Variants in ANKRD29 observed in about 807,000 individuals in gnomAD.
The protein encoded by ANKRD29 is ankyrin repeat domain-containing protein 29.
ANKRD29 carries 32 observed loss-of-function variants against 38.0 expected under a neutral mutation model. That is an observed-to-expected ratio of 0.84 (90% confidence interval 0.64 to 1.13). ANKRD29 has a LOEUF of 1.13. Ranked by LOEUF, ANKRD29 falls within the 50% of genes most tolerant of loss-of-function variation. ANKRD29 has a pLI of 0.00. For synonymous variants in ANKRD29, 135 were observed against 152.4 expected (o/e 0.89, Z 0.84); for missense variants, 357 against 377.9 (o/e 0.94, Z 0.46).
intron 2 of ANKRD29, 107 bp downstream of exon 2, chr18:23,648,976 A>G (rs754527430): frequency 1.1e-6 from 1 of 931,620 alleles, no homozygotes; most frequent in South Asian, 1.6e-5. Context: ...AAGCAAACAC[A>G]TGAAAAAGTA....
intron 5 of ANKRD29, among the ~76,000 whole-genome samples, chr18:23,632,192 A>G (rs2059940915): frequency 6.6e-6 from 1 of 152,202 alleles, no homozygotes; most frequent in East Asian, 1.9e-4. Context: ...AAAGTCTACC[A>G]TGTCCTTAGC....
chr18:23,601,814 T>C (rs1320992849), intron 9 of ANKRD29, among the ~76,000 whole-genome samples: 1 of 149,452 alleles, frequency 6.7e-6, no homozygotes, highest in Admixed American at 6.7e-5. Context: ...GGACCACAGA[T>C]GTGCACCACT....
At chr18:23,660,522 C>T (rs1218843404) in intron 1 of ANKRD29, among the ~76,000 whole-genome samples, 11 of 152,174 alleles carry the variant, frequency 7.2e-5, no homozygotes. Flanking sequence ...AAAAGAATCT[C>T]TGGGTTGGGT....
intron 8 of ANKRD29, 146 bp from the exon 9 acceptor site, chr18:23,612,336 A>G (rs1351360307): frequency 1.2e-5 from 8 of 643,684 alleles, no homozygotes; most frequent in Non-Finnish European, 2.1e-5. Context: ...TCAAAGTCAC[A>G]TCAGCCCCTA....
intron 1 of ANKRD29, among the ~76,000 whole-genome samples, chr18:23,652,482 C>T (rs537349264): frequency 6.6e-6 from 1 of 152,214 alleles, no homozygotes; most frequent in African/African-American, 2.4e-5. Context: ...TCCTATCCTC[C>T]ATCCCAAGCT....
intron 8 of ANKRD29, among the ~76,000 whole-genome samples, chr18:23,617,504 T>C (rs1279511233): frequency 1.3e-5 from 2 of 152,182 alleles, no homozygotes; most frequent in Non-Finnish European, 2.9e-5. Flanking sequence ...TGTCGATTTT[T>C]TTTTTTCTGC....
intron 9 of ANKRD29, among the ~76,000 whole-genome samples, chr18:23,610,819 T>C (rs919846344): frequency 6.6e-6 from 1 of 152,150 alleles, no homozygotes; most frequent in African/African-American, 2.4e-5. Context: ...TAGTTGGGAC[T>C]ACAGGTGCAC....
chr18:23,628,012 C>T (rs2059883391), intron 6 of ANKRD29, among the ~76,000 whole-genome samples: 1 of 152,168 alleles, frequency 6.6e-6, no homozygotes, highest in South Asian at 2.1e-4. Context: ...TATAACCTTA[C>T]ATTGATACAT....
rs182327100 is a variant in ANKRD29, at chr18:23,641,010, A to G, written c.232-2063T>C. Among the ~76,000 whole-genome samples the G allele has an allele frequency of 2.7e-3, 411 of 152,190 alleles. 3 individuals are homozygous for G. Among genetic ancestry groups the G allele is most frequent in the African/African-American group, 9.6e-3 (397 of 41,524 alleles). ...CATGTGTGGGATGGGAGTGGGGACA[A>G]TAAGACCCACTGAGACAGGCAGGAT... On this transcript the variant is annotated intron_variant, in intron 3 of 9. Transcript: ENST00000592179.
intron 1 of ANKRD29, among the ~76,000 whole-genome samples, chr18:23,661,403 C>A (rs1598557739): frequency 6.6e-6 from 1 of 152,136 alleles, no homozygotes; most frequent in Non-Finnish European, 1.5e-5. Flanking sequence ...TGAATTATGC[C>A]GATTTAAAAC....
chr18:23,624,849 C>T (rs181992929), intron 6 of ANKRD29, among the ~76,000 whole-genome samples: 6 of 152,196 alleles, frequency 3.9e-5, no homozygotes, highest in Admixed American at 6.5e-5. Context: ...TCATTTCATT[C>T]GAGATCACTT....
chr18:23,639,979 T>C (rs2060052644), intron 3 of ANKRD29, among the ~76,000 whole-genome samples: 1 of 152,168 alleles, frequency 6.6e-6, no homozygotes, highest in Admixed American at 6.5e-5. Context: ...GAGTTATAGA[T>C]GGGTGATGAT....
Position 23,619,522 on chromosome 18 carries a change from G to T in ANKRD29, c.627+9C>A. 6.3e-7 allele frequency: 1 copy of T among 1,581,944 alleles called. No individual in the cohort carries two copies. Among genetic ancestry groups the T allele is most frequent in the South Asian group, 1.1e-5 (1 of 88,334 alleles). ...CTTCGCTCTTTGGCCGCGCGACTCG[G>T]GCACTCACGTTCCGCGCAGCGTCGC... is the stretch of plus-strand genomic sequence containing the variant. On this transcript the variant is annotated intron_variant, in intron 7 of 9. Transcript: ENST00000592179.
At chr18:23,645,337 A>G (rs762857917) in intron 3 of ANKRD29, among the ~76,000 whole-genome samples, 1 of 152,182 alleles carries the variant, frequency 6.6e-6, no homozygotes, top group Non-Finnish European at 1.5e-5. Flanking sequence ...GCACTTTGGG[A>G]GGCTGATGTG....
At chr18:23,645,497 C>T (rs976754605) in intron 3 of ANKRD29, among the ~76,000 whole-genome samples, 2 of 152,158 alleles carry the variant, frequency 1.3e-5, no homozygotes, top group African/African-American at 4.8e-5. Flanking sequence ...ATCACTTGAA[C>T]CTGGGAGGTG....
chr18:23,649,733 TGTTTG>T (rs1224573267), intron 1 of ANKRD29, among the ~76,000 whole-genome samples: 9 of 152,202 alleles, frequency 5.9e-5, no homozygotes, highest in Non-Finnish European at 1.3e-4. Context: ...TTTTTTTGTT[TGTTTG>T]TTTTGTTTTT....
rs539357704 is a variant in ANKRD29, at chr18:23,647,556, G to A, written c.133-1269C>T. ...TTTTTTTTTTTTGAGTCGAAGTCTC[G>A]CCTCCCAGGCTGGAGTGGGATGGCA... is the stretch of plus-strand genomic sequence containing the variant. On this transcript the variant is annotated intron_variant, in intron 2 of 9. Transcript: ENST00000592179. 3.3e-5 allele frequency: 5 copies of A among 151,264 alleles called. No individual in the cohort carries two copies. In the South Asian group the frequency reaches 1.0e-3, roughly 32 times the overall value. The allele number at this position is 151,264 out of a possible 1,614,324, so 9.4% of individuals were successfully genotyped here.
intron 4 of ANKRD29, among the ~76,000 whole-genome samples, chr18:23,634,952 C>A (rs1314100208): frequency 6.6e-6 from 1 of 152,154 alleles, no homozygotes; most frequent in Non-Finnish European, 1.5e-5. Flanking sequence ...GGGGCCATTG[C>A]CCTCATGGGA....
chr18:23,604,655 C>T (rs189211038), intron 9 of ANKRD29, among the ~76,000 whole-genome samples: 5 of 152,064 alleles, frequency 3.3e-5, no homozygotes, highest in African/African-American at 9.6e-5. Flanking sequence ...CTCAGCCTCC[C>T]GAGTAGCTGG....
Sources: gnomAD v4.1 joint callset for allele counts (sites outside exome capture counted in the v4.1 genomes callset) on GRCh38, gnomAD v4.1.1 for gene constraint, MANE v1.5 for transcripts, NCBI Gene and HGNC (gene_info 2026-07-23, HGNC 2026-07-21) for gene names.